Variants in CABCOCO1 observed in about 807,000 individuals in gnomAD.
The protein encoded by CABCOCO1 is ciliary associated calcium binding coiled-coil 1.
Under a neutral mutation model 35.7 loss-of-function variants are expected in CABCOCO1, and 28 were observed. The observed-to-expected ratio is 0.78, with a 90% CI of 0.58 to 1.07. The LOEUF (loss-of-function observed/expected upper bound fraction) is 1.07. Ranked by LOEUF, CABCOCO1 falls within the 50% of genes least tolerant of loss-of-function variation. CABCOCO1 has a pLI of 0.00. For missense variants in CABCOCO1, 326 were observed against 309.2 expected, an observed-to-expected ratio of 1.05 and a Z score of -0.41; for synonymous variants, 95 against 100.1, an observed-to-expected ratio of 0.95 and a Z score of 0.30.
intron 7 of CABCOCO1, among the ~76,000 whole-genome samples, chr10:61,762,265 C>T (rs1008930534): frequency 6.6e-6 from 1 of 152,106 alleles, no homozygotes; most frequent in African/African-American, 2.4e-5. Flanking sequence ...AGCTGTGTTC[C>T]ATGCAGTGAA....
intron 5 of CABCOCO1, among the ~76,000 whole-genome samples, chr10:61,742,016 G>C (rs1182972752): frequency 6.6e-6 from 1 of 152,180 alleles, no homozygotes; most frequent in Non-Finnish European, 1.5e-5. Context: ...CAGGTAGAAG[G>C]TAATGGCTGT....
At chr10:61,742,171 G>A (rs1841562954) in intron 5 of CABCOCO1, among the ~76,000 whole-genome samples, 1 of 152,158 alleles carries the variant, frequency 6.6e-6, no homozygotes, top group Non-Finnish European at 1.5e-5. Flanking sequence ...ATGCCTTCCA[G>A]GATTCAGTTT....
chr10:61,707,893 G>GC (rs939317862), intron 5 of CABCOCO1, among the ~76,000 whole-genome samples: 1 of 151,960 alleles, frequency 6.6e-6, no homozygotes, highest in Non-Finnish European at 1.5e-5. Context: ...TCAAAGGTAA[G>GC]CCCCCCACCA....
chr10:61,757,467 T>C (rs1308253914), intron 5 of CABCOCO1, among the ~76,000 whole-genome samples: 1 of 152,042 alleles, frequency 6.6e-6, no homozygotes, highest in Non-Finnish European at 1.5e-5. Flanking sequence ...GGTTCACTAA[T>C]AGTATGCAAA....
intron 5 of CABCOCO1, among the ~76,000 whole-genome samples, chr10:61,711,797 T>C (rs1840738108): frequency 6.6e-6 from 1 of 152,012 alleles, no homozygotes; most frequent in South Asian, 2.1e-4. Flanking sequence ...TAGAAGTCAG[T>C]AACAGAAAAT....
intron 7 of CABCOCO1, among the ~76,000 whole-genome samples, chr10:61,764,459 G>T (rs1318059076): frequency 6.6e-6 from 1 of 152,068 alleles, no homozygotes; most frequent in Non-Finnish European, 1.5e-5. Context: ...ACTAAAGTTT[G>T]ATATTAACAT....
At position 61,686,122 on chromosome 10, in the gene CABCOCO1, G is replaced by A; in HGVS notation, c.416G>A (p.Ser139Asn). The A allele has an allele frequency of 1.2e-6, 2 of 1,605,764 alleles. No individual in the cohort carries two copies. The highest frequency in any genetic ancestry group is 1.7e-6 in the Non-Finnish European group (2 of 1,177,560). The change falls in exon 4 of 8, where the codon AGT becomes AAT. Residue 139 changes from serine to asparagine, a missense_variant. Physicochemically the swap from Ser to Asn is conservative, Grantham distance 46. Coordinates refer to ENST00000648843, the MANE Select transcript of CABCOCO1 (RefSeq NM_001366906.2). ...AEIGPTHSQKSEDWNIFDVKQ... is the reference protein window; with the variant it reads ...AEIGPTHSQKNEDWNIFDVKQ... The stretch of plus-strand genomic sequence containing the variant: ...ATAGGACCAACACATTCGCAAAAGA[G>A]TGAGGACTGGAATATCTTTGATGTA...
At chr10:61,715,184 A>T (rs1334417006) in intron 5 of CABCOCO1, among the ~76,000 whole-genome samples, 2 of 152,082 alleles carry the variant, frequency 1.3e-5, no homozygotes, top group Non-Finnish European at 2.9e-5. Flanking sequence ...TGCTTTATGA[A>T]TCTGGGTGCT....
rs1841997779 is a variant in CABCOCO1, at chr10:61,760,966, T to C, written c.779T>C (p.Leu260Pro). 5 of 1,612,670 alleles carry C rather than the reference T, an allele frequency of 3.1e-6. No homozygotes were observed. The highest frequency in any genetic ancestry group is 4.2e-6 in the Non-Finnish European group (5 of 1,179,126). Residue 260 changes from leucine to proline, a missense_variant, in exon 7 of 8, where the codon CTG becomes CCG. By Grantham distance (98) the Leu-to-Pro change is moderately conservative. Transcript: ENST00000648843. ...ACCATTGAAGATGTAAAATCAGTGCTGGATCAAGTCACAGATGACATTTTA... is the reference window on the plus strand; with the variant it reads ...ACCATTGAAGATGTAAAATCAGTGCCGGATCAAGTCACAGATGACATTTTA... ...GFTIEDVKSVLDQVTDDILIG... is the reference protein window; with the variant it reads ...GFTIEDVKSVPDQVTDDILIG...
chr10:61,687,724 T>A (rs192318847), intron 4 of CABCOCO1, among the ~76,000 whole-genome samples: 310 of 152,300 alleles, frequency 2.0e-3, no homozygotes, highest in Non-Finnish European at 3.4e-3. Context: ...CTAACCAGGG[T>A]AATTTCACAT....
Position 61,690,609 on chromosome 10 carries a change from G to T in CABCOCO1, c.540G>T (p.Val180=). 6 of 1,597,790 alleles carry T rather than the reference G, an allele frequency of 3.8e-6. No homozygotes were observed. Among genetic ancestry groups the T allele is most frequent in the Non-Finnish European group, 5.1e-6 (6 of 1,166,294 alleles). ...FMFYSAREEI[V]IGTEQVIEVV... ...TCTACTCTGCCAGGGAAGAAATTGT[G>T]ATAGGAACTGAGGTAAGTAATTTAT... The change falls in exon 5 of 8, where the codon GTG becomes GTT. Residue 180 remains valine, a synonymous_variant. Transcript: ENST00000648843.
intron 7 of CABCOCO1, among the ~76,000 whole-genome samples, chr10:61,765,040 C>G (rs1164941963): frequency 2.0e-5 from 3 of 151,734 alleles, no homozygotes; most frequent in Non-Finnish European, 4.4e-5. Flanking sequence ...GTACAGTTAC[C>G]CTGAAGCCCT....
chr10:61,705,794 T>C (rs1370097872), intron 5 of CABCOCO1, among the ~76,000 whole-genome samples: 1 of 152,168 alleles, frequency 6.6e-6, no homozygotes, highest in Non-Finnish European at 1.5e-5. Context: ...ACTTTAAATA[T>C]TACACACACA....
At chr10:61,674,687 C>T (rs1589111405) in intron 2 of CABCOCO1, among the ~76,000 whole-genome samples, 1 of 152,130 alleles carries the variant, frequency 6.6e-6, no homozygotes, top group Admixed American at 6.5e-5. Flanking sequence ...CAGCACATTT[C>T]CCTACCTCTT....
At chr10:61,694,867 G>A (rs866290214) in intron 5 of CABCOCO1, among the ~76,000 whole-genome samples, 12 of 152,210 alleles carry the variant, frequency 7.9e-5, no homozygotes, top group East Asian at 3.9e-4. Flanking sequence ...ACAAGACCAC[G>A]TTTTAGGAGA....
intron 5 of CABCOCO1, among the ~76,000 whole-genome samples, chr10:61,708,625 T>C (rs935053668): frequency 6.6e-6 from 1 of 152,194 alleles, no homozygotes; most frequent in Non-Finnish European, 1.5e-5. Context: ...CTTTGGCTTC[T>C]TTCATAGGGC....
chr10:61,744,654 G>C (rs1841618555), intron 5 of CABCOCO1, among the ~76,000 whole-genome samples: 1 of 152,080 alleles, frequency 6.6e-6, no homozygotes, highest in African/African-American at 2.4e-5. Flanking sequence ...ACCTATGTTG[G>C]CTGGCATATC....
intron 3 of CABCOCO1, among the ~76,000 whole-genome samples, chr10:61,685,559 G>A (rs1335211676): frequency 6.6e-6 from 1 of 151,960 alleles, no homozygotes; most frequent in Non-Finnish European, 1.5e-5. Context: ...AAATGTTGGC[G>A]CAGGGTCAGC....
At chr10:61,717,027 C>T (rs917764425) in intron 5 of CABCOCO1, among the ~76,000 whole-genome samples, 1 of 152,004 alleles carries the variant, frequency 6.6e-6, no homozygotes, top group African/African-American at 2.4e-5. Context: ...AGTATAATGG[C>T]GAACACTACC....
Sources: gnomAD v4.1 joint callset for allele counts (sites outside exome capture counted in the v4.1 genomes callset) on GRCh38, gnomAD v4.1.1 for gene constraint, MANE v1.5 for transcripts, NCBI Gene and HGNC (gene_info 2026-07-23, HGNC 2026-07-21) for gene names.